The following WWOX variants were observed in gnomAD, a reference collection of about 807,000 sequenced individuals.
The protein encoded by WWOX is WW domain containing oxidoreductase, also known as WW domain-containing oxidoreductase.
WWOX carries 69 observed loss-of-function variants against 46.2 expected under a neutral mutation model. The observed-to-expected ratio is 1.49, with a 90% CI of 1.23 to 1.82. WWOX has a LOEUF of 1.82. Among genes scored for constraint, WWOX ranks in the 40% most tolerant of loss-of-function variants. WWOX has a pLI of 0.00. For missense variants in WWOX, 919 were observed against 542.6 expected (o/e 1.69, Z -6.89); for synonymous variants, 359 against 202.6 (o/e 1.77, Z -6.56).
At chr16:78,405,954 A>T (rs2151946498) in intron 6 of WWOX, among the ~76,000 whole-genome samples, 3 of 152,198 alleles carry the variant, frequency 2.0e-5, no homozygotes, top group Middle Eastern at 6.8e-3. Context: ...TGCACTAAAC[A>T]AAAGAATTCT....
At chr16:78,753,801 CAAAAAAAAAA>C (rs869066028) in intron 8 of WWOX, among the ~76,000 whole-genome samples, 61 of 29,132 alleles carry the variant, frequency 2.1e-3, no homozygotes, top group South Asian at 6.9e-3. Flanking sequence ...GACCCTATAT[CAAAAAAAAAA>C]AAAAAAAAAA....
intron 8 of WWOX, among the ~76,000 whole-genome samples, chr16:78,655,904 G>C (rs944076117): frequency 1.3e-5 from 2 of 152,116 alleles, no homozygotes; most frequent in African/African-American, 4.8e-5. Flanking sequence ...CCCCAGCTCT[G>C]TATTCGAGCG....
intron 8 of WWOX, among the ~76,000 whole-genome samples, chr16:78,790,768 C>G (rs1272749919): frequency 6.6e-6 from 1 of 152,190 alleles, no homozygotes; most frequent in East Asian, 1.9e-4. Flanking sequence ...GCCTGTAACC[C>G]TAGCACTTTG....
intron 5 of WWOX, among the ~76,000 whole-genome samples, chr16:78,231,875 A>T (rs1025140648): frequency 7.5e-6 from 1 of 133,748 alleles, no homozygotes; most frequent in African/African-American, 3.0e-5. Flanking sequence ...AGACATGTCA[A>T]TTTTTTCTGA....
intron 8 of WWOX, among the ~76,000 whole-genome samples, chr16:78,665,108 C>T (rs959142379): frequency 6.6e-6 from 1 of 152,116 alleles, no homozygotes; most frequent in South Asian, 2.1e-4. Context: ...GCGATGGGGA[C>T]AAAAGATAGC....
chr16:78,484,662 A>C lies in WWOX; in HGVS notation c.1056+51910A>C, dbSNP rs994332051. ...AGAAGTTGAGTGGATGTGGGGCTTT[A>C]AAGGCAGGAGTCTCTAAGCAGGTTG... On this transcript the variant is annotated intron_variant, in intron 8 of 8. Transcript: ENST00000566780. 2.6e-5 allele frequency among the ~76,000 whole-genome samples: 4 copies of C among 152,312 alleles called. No homozygotes were observed. In the East Asian group the frequency reaches 7.7e-4, roughly 29 times the overall value.
At chr16:78,662,856 C>T (rs1190897415) in intron 8 of WWOX, among the ~76,000 whole-genome samples, 1 of 152,062 alleles carries the variant, frequency 6.6e-6, no homozygotes, top group Non-Finnish European at 1.5e-5. Context: ...CCACATGGGC[C>T]TCTGCAAAAG....
intron 5 of WWOX, among the ~76,000 whole-genome samples, chr16:78,359,731 A>G (rs1431452002): frequency 1.3e-5 from 2 of 152,250 alleles, no homozygotes; most frequent in Non-Finnish European, 2.9e-5. Context: ...AGACAACGTG[A>G]TGTGCATGAG....
chr16:79,152,437 T>G (rs779357289), intron 8 of WWOX, among the ~76,000 whole-genome samples: 2 of 152,014 alleles, frequency 1.3e-5, no homozygotes, highest in African/African-American at 2.4e-5. Context: ...TTTGGGACGA[T>G]GAGGCGGGCG....
rs186570724 is a variant in WWOX at position 79,121,520 on chromosome 16, C to T, written c.1057-90088C>T. Reference sequence around the variant, plus strand: ...TGTTTACGGGGCTGTGGGATGGGTACATAGACACTCGTCTACTTGAACTTC... The same window carrying T: ...TGTTTACGGGGCTGTGGGATGGGTATATAGACACTCGTCTACTTGAACTTC... On this transcript the variant is annotated intron_variant, in intron 8 of 8. Coordinates refer to ENST00000566780, the MANE Select transcript of WWOX (RefSeq NM_016373.4). Among the ~76,000 whole-genome samples, 937 of 152,286 alleles carry T rather than the reference C, an allele frequency of 6.2e-3. 13 individuals carry two copies. Among genetic ancestry groups the T allele is most frequent in the Middle Eastern group, 0.061 (18 of 294 alleles).
intron 8 of WWOX, chr16:79,016,251 C>G (rs556109719): frequency 6.6e-6 from 1 of 152,146 alleles, no homozygotes; most frequent in Non-Finnish European, 1.5e-5. Flanking sequence ...ATTAGGGGTT[C>G]TTTCCTCTCC....
chr16:78,994,957 C>T (rs1434793900), intron 8 of WWOX, among the ~76,000 whole-genome samples: 4 of 105,666 alleles, frequency 3.8e-5, no homozygotes, highest in African/African-American at 7.0e-5. Context: ...TTCTTTTCTT[C>T]TTCTTCTTCT....
chr16:78,390,766 A>G (rs1040375235), intron 6 of WWOX, among the ~76,000 whole-genome samples: 1 of 152,208 alleles, frequency 6.6e-6, no homozygotes, highest in Non-Finnish European at 1.5e-5. Flanking sequence ...CCCCATCTTC[A>G]GACATTAAAA....
chr16:78,708,737 A>G (rs2048376765), intron 8 of WWOX, among the ~76,000 whole-genome samples: 1 of 152,206 alleles, frequency 6.6e-6, no homozygotes, highest in South Asian at 2.1e-4. Context: ...AAATGGCTTT[A>G]AAAAATTAAA....
At chr16:78,511,679 C>G (rs984129637) in intron 8 of WWOX, among the ~76,000 whole-genome samples, 5 of 152,100 alleles carry the variant, frequency 3.3e-5, no homozygotes, top group Non-Finnish European at 5.9e-5. Context: ...CTGTAGTACC[C>G]CCCGCCTAGG....
intron 8 of WWOX, among the ~76,000 whole-genome samples, chr16:78,968,815 A>G (rs749555109): frequency 1.6e-4 from 24 of 152,232 alleles, no homozygotes; most frequent in African/African-American, 1.2e-4. Context: ...ATTATGTTCA[A>G]TTGGATTGGA....
chr16:78,693,480 C>T (rs1201288068), intron 8 of WWOX, among the ~76,000 whole-genome samples: 2 of 152,062 alleles, frequency 1.3e-5, no homozygotes, highest in African/African-American at 4.8e-5. Flanking sequence ...CCACATAATC[C>T]CTAACCATGA....
chr16:78,204,258 A>T (rs73570404), intron 5 of WWOX, among the ~76,000 whole-genome samples: 13,600 of 151,934 alleles, frequency 0.09, 665 homozygotes, highest in Middle Eastern at 0.13. Flanking sequence ...TCTTTTTAAA[A>T]TTTTTTTTAT....
At chr16:78,216,536 T>C (rs2036727164) in intron 5 of WWOX, among the ~76,000 whole-genome samples, 1 of 110 alleles carries the variant, frequency 9.1e-3, no homozygotes, top group South Asian at 0.5. Flanking sequence ...CCTTGGCCTT[T>C]TCCCATGACG....
Sources: allele counts gnomAD v4.1 joint callset (sites outside exome capture counted in the v4.1 genomes callset), GRCh38; gene constraint gnomAD v4.1.1; transcripts MANE v1.5; gene names NCBI Gene and HGNC (gene_info 2026-07-23, HGNC 2026-07-21).